The following ARMCX4 variants were observed in gnomAD, a reference collection of about 807,000 sequenced individuals.
The protein encoded by ARMCX4 is armadillo repeat-containing X-linked protein 4.
In ARMCX4, 3 loss-of-function variants were observed where a neutral mutation model predicts 34.7. That is an observed-to-expected ratio of 0.09 (90% CI 0.04 to 0.22). ARMCX4 has a LOEUF of 0.22. ARMCX4 is among the 10% of genes least tolerant of loss of function. ARMCX4 has a pLI of 1.00. For synonymous variants in ARMCX4, 513 were observed against 632.8 expected (o/e 0.81, Z 2.84); for missense variants, 1,448 against 1,720.8 (o/e 0.84, Z 2.81).
intron 12 of ARMCX4, chrX:101,532,580 C>G (rs1486802343): frequency 2.7e-5 from 3 of 111,194 alleles, no homozygotes; most frequent in Non-Finnish European, 3.8e-5. Flanking sequence ...CCTCCTAGTA[C>G]TGCTTTGCCT....
chrX:101,523,662 C>T (rs1934901701), intron 11 of ARMCX4, among the ~76,000 whole-genome samples: 2 of 111,774 alleles, frequency 1.8e-5, no homozygotes, highest in Admixed American at 1.9e-4. Context: ...CAACAACAAT[C>T]TCCAGGGTGT....
At chrX:101,515,226 A>G (rs1257124591) in intron 11 of ARMCX4, among the ~76,000 whole-genome samples, 1 of 110,620 alleles carries the variant, frequency 9.0e-6, no homozygotes, top group Non-Finnish European at 1.9e-5. Flanking sequence ...GTCACTCAGA[A>G]CCTTGACTCT....
chrX:101,520,484 A>AAT (rs1480015838), intron 11 of ARMCX4, among the ~76,000 whole-genome samples: 1 of 111,896 alleles, frequency 8.9e-6, no homozygotes, highest in Non-Finnish European at 1.9e-5. Context: ...GGAGTGTTTA[A>AAT]TTTTGTCAAA....
chrX:101,484,170 G>A (rs1933590049), upstream of ARMCX4, among the ~76,000 whole-genome samples: 1 of 111,564 alleles, frequency 9.0e-6, no homozygotes, highest in Non-Finnish European at 1.9e-5. Flanking sequence ...ACGGACATCA[G>A]GTGTGTTGCA....
intron 4 of ARMCX4, among the ~76,000 whole-genome samples, chrX:101,471,773 A>C (rs1353621895): frequency 1.8e-5 from 2 of 110,049 alleles, no homozygotes; most frequent in Non-Finnish European, 3.8e-5. Context: ...AAACTAACAA[A>C]CAGAAAGGAC....
intron 11 of ARMCX4, among the ~76,000 whole-genome samples, chrX:101,524,724 G>A (rs782800898): frequency 2.7e-5 from 3 of 111,749 alleles, no homozygotes; most frequent in Admixed American, 9.4e-5. Context: ...GCAGCAGTCC[G>A]AGAGCAACTA....
intron 4 of ARMCX4, among the ~76,000 whole-genome samples, chrX:101,465,324 A>G (rs1434646995): frequency 1.8e-5 from 2 of 111,862 alleles, no homozygotes; most frequent in Admixed American, 1.9e-4. Flanking sequence ...ACAGAAGGCT[A>G]AAAGTAAAAA....
chrX:101,490,717 C>T lies in ARMCX4; in HGVS notation c.2128C>T (p.Pro710Ser). Residue 710 changes from proline (P) to serine (S), a missense_variant, in exon 6 of 6, where the codon CCC becomes TCC. Pro to Ser is a moderately conservative substitution (Grantham distance 74). Transcript: ENST00000423738. ...GACAGATACAACAGGCTCTGTCCAG[C>T]CCCAGATTGTGGCCAATTCCCAGGG... The part of the protein sequence containing the change: ...AGTDTTGSVQ[P>S]QIVANSQGEV... 1 of 1,154,671 alleles carries T rather than the reference C, an allele frequency of 8.7e-7. No homozygotes were observed. The highest frequency in any genetic ancestry group is 1.9e-5 in the South Asian group (1 of 52,677).
chrX:101,509,367 A>C (rs1033473844), exon 9 of ARMCX4: 1 of 111,411 alleles, frequency 9.0e-6, no homozygotes, highest in Non-Finnish European at 1.9e-5. Flanking sequence ...AGAACAGAAC[A>C]TATCTTCCAG....
intron 2 of ARMCX4, among the ~76,000 whole-genome samples, chrX:101,429,219 T>C: frequency 9.0e-6 from 1 of 110,969 alleles, no homozygotes; most frequent in Non-Finnish European, 1.9e-5. Flanking sequence ...TGCCTTTGAA[T>C]CCCTGCTGCA....
intron 4 of ARMCX4, among the ~76,000 whole-genome samples, chrX:101,458,580 G>A (rs1391430573): frequency 2.9e-5 from 3 of 104,875 alleles, no homozygotes; most frequent in East Asian, 6.4e-4. Context: ...TCTGCCTCCC[G>A]GGTTCAAGCA....
rs1934092311 is a variant in ARMCX4, at chrX:101,494,036, AGGCTGGG to A, written c.5449_5455del (p.Ala1817LeufsTer43). The A allele has an allele frequency of 4.3e-6, 1 of 235,258 alleles. No homozygotes were observed. 19.4% of individuals were successfully genotyped at this position (235,258 alleles called of 1,213,427 possible). A position where few individuals can be genotyped will look rare whatever the true frequency, so the allele number is the denominator to read the frequency against. On this transcript the variant is annotated frameshift_variant, in exon 6 of 6. Transcript: ENST00000423738. LOFTEE classifies it high-confidence loss of function. Reference sequence around the variant, plus strand: ...GGGGCTGAGGCTGGGGCTGGGGCTGAGGCTGGGGCTGGGGCTGAGGCTGGGGCTGGGG... The same window carrying A: ...GGGGCTGAGGCTGGGGCTGGGGCTGAGCTGGGGCTGAGGCTGGGGCTGGGG...
intron 4 of ARMCX4, among the ~76,000 whole-genome samples, chrX:101,469,510 T>G (rs1396367250): frequency 1.8e-5 from 2 of 112,122 alleles, no homozygotes; most frequent in African/African-American, 6.5e-5. Context: ...GAAAAAGGTC[T>G]GGCATGATAC....
Position 101,491,664 on chromosome X carries a change from G to C in ARMCX4, c.3075G>C (p.Arg1025Ser). The change falls in exon 6 of 6, where the codon AGG becomes AGC. Residue 1025 changes from arginine to serine, a missense_variant. Physicochemically the swap from Arg to Ser is moderately radical, Grantham distance 110. Around this residue, in one of 2 missense-constraint regions of ARMCX4, gnomAD observed 1,343 missense variants for 1,540.7 expected, o/e 0.87. Coordinates refer to ENST00000423738, the MANE Select transcript of ARMCX4 (RefSeq NM_001256155.3). ...VPKAGTGAGT[R>S]HSAQPQIVAG... ...AAGCAGGGACTGGGGCAGGCACAAG[G>C]CACTCTGCCCAGCCTCAGATTGTGG... 8.6e-7 allele frequency: 1 copy of C among 1,156,392 alleles called. No homozygotes were observed. Among genetic ancestry groups the C allele is most frequent in the South Asian group, 1.9e-5 (1 of 52,789 alleles).
chrX:101,429,375 G>A (rs1438981160), intron 2 of ARMCX4, among the ~76,000 whole-genome samples: 2 of 87,084 alleles, frequency 2.3e-5, no homozygotes, highest in Non-Finnish European at 4.3e-5. Context: ...CGCTCTTGTC[G>A]TCCAGGCTGG....
downstream of ARMCX4, among the ~76,000 whole-genome samples, chrX:101,449,097 G>C (rs1931829299): frequency 9.2e-6 from 1 of 108,803 alleles, no homozygotes; most frequent in Non-Finnish European, 1.9e-5. Context: ...AGTAGAGACG[G>C]GTTTTGCCAT....
chrX:101,447,869 A>G (rs1199449773), downstream of ARMCX4: 3 of 111,007 alleles, frequency 2.7e-5, no homozygotes, highest in African/African-American at 9.8e-5. Context: ...AGTTATTATT[A>G]AAATGTACAA....
chrX:101,434,002 A>G (rs1002314707), intron 2 of ARMCX4, among the ~76,000 whole-genome samples: 2 of 106,961 alleles, frequency 1.9e-5, no homozygotes, highest in East Asian at 5.9e-4. Flanking sequence ...CTGGAGTGCA[A>G]TGGCTTGATC....
chrX:101,438,401 A>G (rs781991914), intron 2 of ARMCX4, among the ~76,000 whole-genome samples: 61 of 111,466 alleles, frequency 5.5e-4, no homozygotes, highest in African/African-American at 1.9e-3. Flanking sequence ...AATCTCTACT[A>G]AAAAATAAAA....
Sources: gnomAD v4.1 joint callset for allele counts (sites outside exome capture counted in the v4.1 genomes callset) on GRCh38, gnomAD v4.1.1 for gene constraint, gnomAD v4.1.1 regional missense constraint, MANE v1.5 for transcripts, NCBI Gene and HGNC (gene_info 2026-07-23, HGNC 2026-07-21) for gene names.